The following MFAP3L variants were observed in gnomAD, a reference collection of about 807,000 sequenced individuals.
MFAP3L encodes the protein microfibrillar-associated protein 3-like.
In MFAP3L, 5 loss-of-function variants were observed where a neutral mutation model predicts 20.0. That is an observed-to-expected ratio of 0.25 (90% CI 0.13 to 0.53). The LOEUF (loss-of-function observed/expected upper bound fraction) is 0.53. Among genes scored for constraint, MFAP3L ranks in the 20% least tolerant of loss-of-function variants. The probability of loss-of-function intolerance (pLI) is 0.96; values close to 1 mark genes in which losing one functional copy is unlikely to be tolerated. For synonymous variants in MFAP3L, 219 were observed against 213.0 expected (o/e 1.03, Z -0.25); for missense variants, 409 against 527.5 (o/e 0.78, Z 2.20).
chr4:170,011,963 T>C (rs1388118473), intron 1 of MFAP3L, among the ~76,000 whole-genome samples: 1 of 152,128 alleles, frequency 6.6e-6, no homozygotes, highest in Non-Finnish European at 1.5e-5. Context: ...AATTAGGCAC[T>C]GATGGCCAGG....
At position 169,992,258 on chromosome 4, in the gene MFAP3L, A is replaced by G; in HGVS notation, c.350T>C (p.Phe117Ser). 2 of 1,613,920 alleles carry G rather than the reference A, an allele frequency of 1.2e-6. No homozygotes were observed. The highest frequency in any genetic ancestry group is 1.7e-6 in the Non-Finnish European group (2 of 1,179,924). The change falls in exon 3 of 3, where the codon TTC (phenylalanine) becomes TCC (serine). Residue 117 changes from phenylalanine (F) to serine (S), a missense_variant. Physicochemically the swap from Phe to Ser is radical, Grantham distance 155. Around this residue, in one of 3 missense-constraint regions of MFAP3L, gnomAD observed 127 missense variants for 218.1 expected, o/e 0.58. Transcript: ENST00000361618. This position sits in a 1 kb window ranked among gnomAD's most constrained non-coding sequence, Gnocchi z 4.3. The part of the protein sequence containing the change: ...SGLLNITKVS[F>S]SDRGKYTCVA... ...ACACGTGTATTTACCTCGGTCTGAG[A>G]AGGATACCTTGGTGATGTTCAGGAG...
chr4:169,991,302 G>C lies in MFAP3L; in HGVS notation c.*76C>G. On this transcript the variant is annotated 3_prime_UTR_variant, in exon 3 of 3. Transcript: ENST00000361618. This position sits in a 1 kb window ranked among gnomAD's most constrained non-coding sequence, Gnocchi z 4.9. Reference sequence around the variant, plus strand: ...GAGAGTCTCCTGGTAAGGCTTAGCGGCAAGTGCGTACTACATCTGTATTAC... The same window carrying C: ...GAGAGTCTCCTGGTAAGGCTTAGCGCCAAGTGCGTACTACATCTGTATTAC... The C allele has an allele frequency of 6.9e-7, 1 of 1,447,002 alleles. No homozygotes were observed. Among genetic ancestry groups the C allele is most frequent in the Non-Finnish European group, 9.4e-7 (1 of 1,068,420 alleles). The allele number at this position is 1,447,002 out of a possible 1,614,324, so 89.6% of individuals were successfully genotyped here.
chr4:170,009,993 G>A (rs1739277374), intron 1 of MFAP3L, among the ~76,000 whole-genome samples: 1 of 152,008 alleles, frequency 6.6e-6, no homozygotes, highest in South Asian at 2.1e-4. Context: ...CACCTACTGA[G>A]AGTTACCCCT....
chr4:170,020,076 G>T (rs570768204), intron 1 of MFAP3L, among the ~76,000 whole-genome samples: 1 of 152,258 alleles, frequency 6.6e-6, no homozygotes, highest in African/African-American at 2.4e-5. Context: ...TGTGTGTGGG[G>T]CTTTGCAGCT....
intron 2 of MFAP3L, among the ~76,000 whole-genome samples, chr4:169,994,738 A>T (rs1056372787): frequency 6.6e-6 from 1 of 152,228 alleles, no homozygotes; most frequent in South Asian, 2.1e-4. Context: ...CATTTTGGGG[A>T]AATCTGTGAG....
At chr4:169,994,452 A>C (rs1356659796) in intron 2 of MFAP3L, 11 of 983,354 alleles carry the variant, frequency 1.1e-5, no homozygotes, top group East Asian at 2.3e-4. Flanking sequence ...TTTAGTGATC[A>C]TTATGTTCTA....
rs1484557732 is a variant in MFAP3L, at chr4:169,987,002, T to C, written c.*4376A>G. ...TACATTCTCTAGCTTCAATTTTGAT[T>C]GTAGTATTCTTAGTATCAGCCTCTT... is the stretch of plus-strand genomic sequence containing the variant. On this transcript the variant is annotated 3_prime_UTR_variant, in exon 3 of 3. Coordinates refer to ENST00000361618, the MANE Select transcript of MFAP3L (RefSeq NM_021647.8). 1 of 152,232 alleles carries C rather than the reference T, an allele frequency of 6.6e-6. No homozygotes were observed. The highest frequency in any genetic ancestry group is 1.9e-4 in the East Asian group (1 of 5,198). The allele number at this position is 152,232 out of a possible 1,614,324, so 9.4% of individuals were successfully genotyped here. A position where few individuals can be genotyped will look rare whatever the true frequency, so the allele number is the denominator to read the frequency against.
chr4:169,996,684 G>C (rs1436630889), intron 2 of MFAP3L, among the ~76,000 whole-genome samples: 1 of 152,142 alleles, frequency 6.6e-6, no homozygotes, highest in Non-Finnish European at 1.5e-5. Context: ...CTAGAAAACC[G>C]AGAAGGGCTC....
chr4:170,015,436 C>A (rs1169522776), intron 1 of MFAP3L, among the ~76,000 whole-genome samples: 1 of 152,188 alleles, frequency 6.6e-6, no homozygotes, highest in East Asian at 1.9e-4. Flanking sequence ...GTAAATACAA[C>A]TGGGGCAAAG....
At chr4:170,011,686 C>T (rs1432412044) in intron 1 of MFAP3L, among the ~76,000 whole-genome samples, 4 of 152,038 alleles carry the variant, frequency 2.6e-5, no homozygotes, top group Non-Finnish European at 5.9e-5. Context: ...ACAGGACTCT[C>T]CCCTCTTGTC....
upstream of MFAP3L, chr4:170,026,758 G>C (rs1365569961): frequency 6.6e-6 from 1 of 152,290 alleles, no homozygotes; most frequent in African/African-American, 2.4e-5. Flanking sequence ...ACTTCTGTGG[G>C]CGTCGCATCG....
At chr4:170,014,504 G>A (rs1358556765) in intron 1 of MFAP3L, among the ~76,000 whole-genome samples, 1 of 152,190 alleles carries the variant, frequency 6.6e-6, no homozygotes, top group East Asian at 1.9e-4. Flanking sequence ...GCTTTATGGA[G>A]GTGCTGATCC....
rs1461979686 is a variant in MFAP3L at position 169,997,807 on chromosome 4, T to TTTTTTG, written c.299-5499_299-5498insCAAAAA. ...TCGGCCTCCTTTCATTAATTCTTTTTTTTTTTTTTTTAATATTGCTGAGAA... is the reference window on the plus strand; with the variant it reads ...TCGGCCTCCTTTCATTAATTCTTTTTTTTTTGTTTTTTTTTTTAATATTGCTGAGAA... On this transcript the variant is annotated intron_variant, in intron 2 of 2. Transcript: ENST00000361618. 5.1e-6 allele frequency: 5 copies of TTTTTTG among 979,064 alleles called. No individual in the cohort carries two copies. The African/African-American group carries it at 7.2e-5, about 14-fold the overall frequency. 60.6% of individuals were successfully genotyped at this position (979,064 alleles called of 1,614,324 possible). A position where few individuals can be genotyped will look rare whatever the true frequency, so the allele number is the denominator to read the frequency against.
chr4:169,997,034 A>G (rs1307065614), intron 2 of MFAP3L, among the ~76,000 whole-genome samples: 1 of 152,066 alleles, frequency 6.6e-6, no homozygotes, highest in East Asian at 1.9e-4. Flanking sequence ...CCAGAACCAG[A>G]TGCAGCCAAG....
chr4:170,012,933 C>G (rs1304979063), intron 1 of MFAP3L, among the ~76,000 whole-genome samples: 1 of 152,146 alleles, frequency 6.6e-6, no homozygotes, highest in Non-Finnish European at 1.5e-5. Flanking sequence ...AATGTTCGGC[C>G]TCTACAGAAT....
Position 170,005,581 on chromosome 4 carries a change from T to G in MFAP3L, c.297A>C (p.Gly99=). ...KEEEDEKERG[G]GKWQMHDSGL... ...ATTTGATACAACTTTAAAGCCTACC[T>G]CCTCCTCTCTCCTTCTCATCCTCTT... The change falls in exon 2 of 3, where the codon GGA becomes GGC. Residue 99 remains glycine, a splice_region_variant and synonymous_variant. Coordinates refer to ENST00000361618, the MANE Select transcript of MFAP3L (RefSeq NM_021647.8). 1 of 1,613,348 alleles carries G rather than the reference T, an allele frequency of 6.2e-7. No homozygotes were observed. The highest frequency in any genetic ancestry group is 8.5e-7 in the Non-Finnish European group (1 of 1,179,306).
chr4:170,002,209 A>AT, intron 2 of MFAP3L: 2 of 985,182 alleles, frequency 2.0e-6, no homozygotes, highest in Non-Finnish European at 2.4e-6. Context: ...GCTCTTCAAC[A>AT]TTTTTCACCT....
Position 169,991,848 on chromosome 4 carries a change from T to C in MFAP3L, c.760A>G (p.Met254Val), listed in dbSNP as rs1249401861. The C allele has an allele frequency of 3.7e-6, 6 of 1,613,938 alleles. No individual in the cohort carries two copies. Among genetic ancestry groups the C allele is most frequent in the Admixed American group, 3.3e-5 (2 of 59,978 alleles). The change falls in exon 3 of 3, where the codon ATG becomes GTG. Residue 254 changes from methionine to valine, a missense_variant. Met to Val is a conservative substitution (Grantham distance 21). Coordinates refer to ENST00000361618, the MANE Select transcript of MFAP3L (RefSeq NM_021647.8). This position sits in a 1 kb window ranked among gnomAD's most constrained non-coding sequence, Gnocchi z 4.9. ...CCAACCACCTCCATAATCTCCTCCA[T>C]GATAGTCCTGCAGTTCATAATGAGA... ...PPLIMNCRTIMEEIMEVVGLE... is the reference protein window; with the variant it reads ...PPLIMNCRTIVEEIMEVVGLE...
intron 1 of MFAP3L, among the ~76,000 whole-genome samples, chr4:170,013,782 T>C (rs1739530466): frequency 6.6e-6 from 1 of 152,232 alleles, no homozygotes. Context: ...CAAATTCTTA[T>C]TCTTATTCAT....
Sources: allele counts gnomAD v4.1 joint callset (sites outside exome capture counted in the v4.1 genomes callset), GRCh38; gene constraint gnomAD v4.1.1; regional missense constraint gnomAD v4.1.1; non-coding constraint Gnocchi (gnomAD v3.1); transcripts MANE v1.5; gene names NCBI Gene and HGNC (gene_info 2026-07-23, HGNC 2026-07-21).